The following ZNF804A variants were observed in gnomAD, a reference collection of about 807,000 sequenced individuals.
The protein encoded by ZNF804A is zinc finger protein 804A.
A neutral mutation model predicts 16.5 loss-of-function variants in ZNF804A; 2 were observed. The observed-to-expected ratio is 0.12, with a 90% CI of 0.05 to 0.38. The LOEUF (loss-of-function observed/expected upper bound fraction) is 0.38, where lower values mean the gene tolerates loss of function less well. Ranked by LOEUF, ZNF804A falls within the 10% of genes least tolerant of loss-of-function variation. The probability of loss-of-function intolerance (pLI) is 0.99; values close to 1 mark genes in which losing one functional copy is unlikely to be tolerated. For missense variants in ZNF804A, 1,473 were observed against 1,390.7 expected (o/e 1.06, Z -0.94); for synonymous variants, 534 against 489.6 (o/e 1.09, Z -1.20).
At chr2:184,667,119 A>G (rs998463652) in intron 1 of ZNF804A, among the ~76,000 whole-genome samples, 2 of 151,962 alleles carry the variant, frequency 1.3e-5, no homozygotes, top group Non-Finnish European at 2.9e-5. Flanking sequence ...GAAACTTAAA[A>G]GAGTTTGACT....
intron 1 of ZNF804A, among the ~76,000 whole-genome samples, chr2:184,708,475 G>T (rs1007525692): frequency 6.6e-6 from 1 of 152,038 alleles, no homozygotes; most frequent in African/African-American, 2.4e-5. Context: ...ACAGAATAGG[G>T]AGCCCAGAAA....
chr2:184,880,786 G>A (rs982602535), intron 2 of ZNF804A, among the ~76,000 whole-genome samples: 58 of 152,142 alleles, frequency 3.8e-4, no homozygotes, highest in Non-Finnish European at 7.7e-4. Context: ...GAAGGCAGAA[G>A]GGCAAGACAG....
intron 1 of ZNF804A, among the ~76,000 whole-genome samples, chr2:184,717,353 TG>T (rs1280439298): frequency 1.3e-5 from 2 of 152,192 alleles, no homozygotes; most frequent in African/African-American, 4.8e-5. Context: ...ATCTATTTGC[TG>T]TTGTTTTGTT....
intron 1 of ZNF804A, among the ~76,000 whole-genome samples, chr2:184,851,817 C>T (rs910416821): frequency 1.3e-5 from 2 of 151,704 alleles, no homozygotes; most frequent in African/African-American, 4.8e-5. Context: ...AACACAAGGG[C>T]TCCATTTCTC....
In ZNF804A at chr2:184,936,281, G is replaced by C; in HGVS notation, c.885G>C (p.Glu295Asp). The C allele has an allele frequency of 6.2e-7, 1 of 1,613,898 alleles. No individual in the cohort carries two copies. Among genetic ancestry groups the C allele is most frequent in the Non-Finnish European group, 8.5e-7 (1 of 1,179,932 alleles). The change falls in exon 4 of 4, where the codon GAG becomes GAC. Residue 295 changes from glutamate (E) to aspartate (D), a missense_variant. Glu to Asp is a conservative substitution (Grantham distance 45, BLOSUM62 2). Coordinates refer to ENST00000302277, the MANE Select transcript of ZNF804A (RefSeq NM_194250.2). ...CRDKETVQTQ[E>D]IKEVSSEKDA... Reference sequence around the variant, plus strand: ...ACAAAGAAACTGTTCAAACTCAAGAGATAAAAGAAGTCTCTAGTGAAAAAG... The same window carrying C: ...ACAAAGAAACTGTTCAAACTCAAGACATAAAAGAAGTCTCTAGTGAAAAAG...
chr2:184,936,109 A>G lies in ZNF804A; in HGVS notation c.713A>G (p.Asp238Gly). 1 of 1,614,078 alleles carries G rather than the reference A, an allele frequency of 6.2e-7. No individual in the cohort carries two copies. Among genetic ancestry groups the G allele is most frequent in the Non-Finnish European group, 8.5e-7 (1 of 1,179,964 alleles). ...SSAAAFSEYS[D>G]DASVGKGFSR... ...GCTGCAGCCTTCTCTGAATACAGTG[A>G]TGATGCCTCAGTGGGAAAAGGATTT... The change falls in exon 4 of 4, where the codon GAT becomes GGT. Residue 238 changes from aspartate to glycine, a missense_variant. Asp to Gly is a moderately conservative substitution (Grantham distance 94, BLOSUM62 -1). Transcript: ENST00000302277.
chr2:184,796,221 A>T (rs1270995224), intron 1 of ZNF804A, among the ~76,000 whole-genome samples: 1 of 152,034 alleles, frequency 6.6e-6, no homozygotes, highest in Non-Finnish European at 1.5e-5. Flanking sequence ...TTAGGGTGAT[A>T]CTGACTTCAT....
intron 2 of ZNF804A, among the ~76,000 whole-genome samples, chr2:184,904,800 A>G (rs913132234): frequency 6.6e-6 from 1 of 151,994 alleles, no homozygotes; most frequent in African/African-American, 2.4e-5. Flanking sequence ...TTTTTATGAA[A>G]TATACTATTA....
chr2:184,751,408 C>A (rs1253595968), intron 1 of ZNF804A, among the ~76,000 whole-genome samples: 1 of 151,366 alleles, frequency 6.6e-6, no homozygotes, highest in Non-Finnish European at 1.5e-5. Context: ...CCTAAAATAA[C>A]AAAACACCTG....
intron 1 of ZNF804A, among the ~76,000 whole-genome samples, chr2:184,751,986 G>A (rs1392062958): frequency 6.6e-6 from 1 of 151,632 alleles, no homozygotes; most frequent in East Asian, 1.9e-4. Context: ...CACAAGAGAT[G>A]TTGTCATGGA....
At chr2:184,868,383 A>G (rs1259946598) in intron 2 of ZNF804A, among the ~76,000 whole-genome samples, 3 of 152,026 alleles carry the variant, frequency 2.0e-5, no homozygotes, top group African/African-American at 7.2e-5. Context: ...GACCATCAAT[A>G]TATACTTCTA....
intron 1 of ZNF804A, among the ~76,000 whole-genome samples, chr2:184,771,762 T>C (rs1026975672): frequency 5.3e-5 from 8 of 151,988 alleles, no homozygotes; most frequent in African/African-American, 2.4e-5. Context: ...ATGTGGACAT[T>C]TCCATAGACA....
At chr2:184,704,896 C>A (rs2105733360) in intron 1 of ZNF804A, among the ~76,000 whole-genome samples, 1 of 152,276 alleles carries the variant, frequency 6.6e-6, no homozygotes, top group Admixed American at 6.5e-5. Context: ...TCTGCTTGGA[C>A]TGTTTCTCAT....
At chr2:184,790,692 C>A (rs1264403694) in intron 1 of ZNF804A, among the ~76,000 whole-genome samples, 1 of 152,070 alleles carries the variant, frequency 6.6e-6, no homozygotes, top group Non-Finnish European at 1.5e-5. Flanking sequence ...CAAGCTCCCC[C>A]TCCTAGGTTC....
chr2:184,906,389 T>G (rs1031815793), intron 2 of ZNF804A, among the ~76,000 whole-genome samples: 2 of 152,062 alleles, frequency 1.3e-5, no homozygotes, highest in Non-Finnish European at 2.9e-5. Context: ...CCCGCAACCT[T>G]CCAGGCTCAA....
At chr2:184,907,825 T>C (rs950126192) in intron 2 of ZNF804A, among the ~76,000 whole-genome samples, 2 of 152,140 alleles carry the variant, frequency 1.3e-5, no homozygotes, top group Admixed American at 1.3e-4. Context: ...AGAAACATTG[T>C]CATGTTTTTT....
chr2:184,871,536 C>G (rs926514145), intron 2 of ZNF804A, among the ~76,000 whole-genome samples: 1 of 150,996 alleles, frequency 6.6e-6, no homozygotes, highest in Non-Finnish European at 1.5e-5. Context: ...AGAGAAAAAT[C>G]GCCAAGAGTG....
At chr2:184,659,477 A>G (rs1314220957) in intron 1 of ZNF804A, among the ~76,000 whole-genome samples, 1 of 151,990 alleles carries the variant, frequency 6.6e-6, no homozygotes, top group Non-Finnish European at 1.5e-5. Flanking sequence ...CTATATATAA[A>G]ACAAATATAT....
intron 1 of ZNF804A, among the ~76,000 whole-genome samples, chr2:184,681,036 T>A (rs1338668704): frequency 1.3e-5 from 2 of 152,228 alleles, no homozygotes; most frequent in Non-Finnish European, 1.5e-5. Context: ...CTAGCATGCC[T>A]GGCTGGACCC....
Sources: allele counts gnomAD v4.1 joint callset (sites outside exome capture counted in the v4.1 genomes callset), GRCh38; gene constraint gnomAD v4.1.1; transcripts MANE v1.5; gene names NCBI Gene and HGNC (gene_info 2026-07-23, HGNC 2026-07-21).